The following PON3 variants were observed in gnomAD, a reference collection of about 807,000 sequenced individuals.
The protein encoded by PON3 is paraoxonase 3.
In PON3, 37 loss-of-function variants were observed where a neutral mutation model predicts 36.3. The ratio of observed to expected loss-of-function variants is 1.02; its 90% CI spans 0.78 to 1.34. The LOEUF is 1.34. Ranked by LOEUF, PON3 falls within the 40% of genes most tolerant of loss-of-function variation. PON3 has a pLI of 0.00. For missense variants in PON3, 415 were observed against 426.5 expected (o/e 0.97, Z 0.24); for synonymous variants, 155 against 154.8 (o/e 1.00, Z -0.01).
intron 6 of PON3, 71 bp from the exon 7 acceptor site, chr7:95,362,912 A>G: frequency 8.5e-7 from 1 of 1,172,406 alleles, no homozygotes; most frequent in Non-Finnish European, 1.3e-6. Context: ...ATTTTGGAGA[A>G]GAGGTATAAA....
intron 5 of PON3, chr7:95,364,723 G>T (rs1808653653): frequency 6.4e-6 from 1 of 156,360 alleles, no homozygotes; most frequent in Admixed American, 6.1e-5. Context: ...AAGATGTTAG[G>T]GTTTTGCTGT....
rs1296308523 is a variant in PON3 at position 95,379,834 on chromosome 7, C to A, written c.202-7496G>T. Among the ~76,000 whole-genome samples, 3 of 152,210 alleles carry A rather than the reference C, an allele frequency of 2.0e-5. No homozygotes were observed. In the East Asian group the frequency reaches 5.8e-4, roughly 29 times the overall value. ...CCTCTGCAGACTTAAATGTCCCTAT[C>A]TGACAGCTTTGAAGAGAGTAGTGGT... is the stretch of plus-strand genomic sequence containing the variant. On this transcript the variant is annotated intron_variant, in intron 3 of 8. Transcript: ENST00000265627.
intron 2 of PON3, among the ~76,000 whole-genome samples, chr7:95,390,595 T>C (rs1218078971): frequency 6.6e-6 from 1 of 152,184 alleles, no homozygotes; most frequent in African/African-American, 2.4e-5. Context: ...GTCATAATCG[T>C]GAAGGTCTTT....
At chr7:95,389,759 A>C (rs1293733131) in intron 3 of PON3, among the ~76,000 whole-genome samples, 2 of 152,232 alleles carry the variant, frequency 1.3e-5, no homozygotes, top group Admixed American at 1.3e-4. Flanking sequence ...GCTCCAAATA[A>C]AGGCAGACAT....
Position 95,373,806 on chromosome 7 carries a change from A to G in PON3, c.202-1468T>C, listed in dbSNP as rs188172868. Reference sequence around the variant, plus strand: ...CATGTCTCACTTCTAAATTTATTTCATTATCTTCTAGAGTAGGGGTCCCCA... The same window carrying G: ...CATGTCTCACTTCTAAATTTATTTCGTTATCTTCTAGAGTAGGGGTCCCCA... On this transcript the variant is annotated intron_variant, in intron 3 of 8. Coordinates refer to ENST00000265627, the MANE Select transcript of PON3 (RefSeq NM_000940.3). Among the ~76,000 whole-genome samples the G allele has an allele frequency of 6.3e-3, 951 of 152,130 alleles. 9 individuals carry two copies. Among genetic ancestry groups the G allele is most frequent in the African/African-American group, 0.022 (899 of 41,508 alleles).
At chr7:95,380,577 C>T (rs1379399178) in intron 3 of PON3, among the ~76,000 whole-genome samples, 2 of 152,112 alleles carry the variant, frequency 1.3e-5, no homozygotes, top group African/African-American at 4.8e-5. Context: ...GTAGCCAATT[C>T]GATCAAGTGG....
At chr7:95,367,604 C>A in intron 4 of PON3, 116 bp from the exon 5 acceptor site, 2 of 1,064,936 alleles carry the variant, frequency 1.9e-6, no homozygotes, top group East Asian at 2.4e-5. Flanking sequence ...TGCATTTTAC[C>A]CTCACAGTCT....
Position 95,367,477 on chromosome 7 carries a change from A to G in PON3, c.379T>C (p.Tyr127His), listed in dbSNP as rs752795208. ...SIFIDKDNTV[Y>H]LYVVNHPHMK... ...TGGGGATGATTCACAACATAAAGAT[A>G]CACAGTATTGTCTACATGGAAAAAA... Residue 127 changes from tyrosine (Y) to histidine (H), a missense_variant, in exon 5 of 9, where the codon TAT becomes CAT. Transcript: ENST00000265627. 1.9e-6 allele frequency: 3 copies of G among 1,613,150 alleles called. No individual in the cohort carries two copies.
chr7:95,377,305 T>C (rs1808941780), intron 3 of PON3, among the ~76,000 whole-genome samples: 1 of 152,146 alleles, frequency 6.6e-6, no homozygotes, highest in South Asian at 2.1e-4. Context: ...CAGCAAGGCC[T>C]ACTGCCTTGC....
intron 5 of PON3, among the ~76,000 whole-genome samples, chr7:95,366,932 CTTT>C (rs1405437421): frequency 6.6e-6 from 1 of 152,212 alleles, no homozygotes; most frequent in Non-Finnish European, 1.5e-5. Context: ...AAAAATTCTA[CTTT>C]AAAGCTGTAA....
chr7:95,359,940 A>T lies in PON3; in HGVS notation c.*33T>A. The T allele has an allele frequency of 6.6e-7, 1 of 1,505,552 alleles. No homozygotes were observed. The highest frequency in any genetic ancestry group is 9.1e-7 in the Non-Finnish European group (1 of 1,092,900). 93.3% of individuals were successfully genotyped at this position (1,505,552 alleles called of 1,614,324 possible). ...ATCAGTTTACTTTTACAAAATATGT[A>T]GACTTTTTTTTTTTTTTTTTACTAT... On this transcript the variant is annotated 3_prime_UTR_variant, in exon 9 of 9. Coordinates refer to ENST00000265627, the MANE Select transcript of PON3 (RefSeq NM_000940.3).
intron 2 of PON3, among the ~76,000 whole-genome samples, chr7:95,394,319 A>G: frequency 6.6e-6 from 1 of 151,990 alleles, no homozygotes; most frequent in East Asian, 1.9e-4. Context: ...CAAAAAAAGG[A>G]AAGGTAACAG....
At chr7:95,394,533 A>G in intron 2 of PON3, 111 bp downstream of exon 2, 6 of 908,954 alleles carry the variant, frequency 6.6e-6, no homozygotes, top group Non-Finnish European at 1.1e-5. Context: ...CAGATGTCCC[A>G]CTGGGAGGGC....
intron 4 of PON3, among the ~76,000 whole-genome samples, chr7:95,371,246 CT>C (rs1430089951): frequency 6.9e-6 from 1 of 145,100 alleles, no homozygotes; most frequent in Non-Finnish European, 1.5e-5. Context: ...AGGAGTAATG[CT>C]GCTATGAACA....
intron 4 of PON3, among the ~76,000 whole-genome samples, chr7:95,370,208 A>G (rs1808778606): frequency 6.6e-6 from 1 of 152,212 alleles, no homozygotes; most frequent in Non-Finnish European, 1.5e-5. Context: ...TCAGATTTGC[A>G]TAAAAAGAAA....
chr7:95,384,339 C>G (rs187629734), intron 3 of PON3, among the ~76,000 whole-genome samples: 2 of 152,216 alleles, frequency 1.3e-5, no homozygotes, highest in African/African-American at 4.8e-5. Flanking sequence ...GCAACAAAAG[C>G]CAAAATTCAC....
At chr7:95,386,151 T>C (rs1249408451) in intron 3 of PON3, among the ~76,000 whole-genome samples, 2 of 151,950 alleles carry the variant, frequency 1.3e-5, no homozygotes, top group African/African-American at 2.4e-5. Context: ...CTGAAGGAGA[T>C]AGATACATGA....
chr7:95,371,621 T>C (rs913319226), intron 4 of PON3, among the ~76,000 whole-genome samples: 22 of 152,184 alleles, frequency 1.4e-4, no homozygotes, highest in African/African-American at 4.3e-4. Context: ...GGTAGATACT[T>C]TGTCCATTTT....
intron 4 of PON3, among the ~76,000 whole-genome samples, chr7:95,368,814 C>CAAAAAAAAAAAAAA (rs11388951): frequency 7.5e-6 from 1 of 133,110 alleles, no homozygotes; most frequent in African/African-American, 2.8e-5. Flanking sequence ...CAAAAACAAA[C>CAAAAAAAAAAAAAA]AAAAAAAAAA....
Sources: gnomAD v4.1 joint callset for allele counts (sites outside exome capture counted in the v4.1 genomes callset) on GRCh38, gnomAD v4.1.1 for gene constraint, MANE v1.5 for transcripts, NCBI Gene and HGNC (gene_info 2026-07-23, HGNC 2026-07-21) for gene names.